MDN1: variants seen among roughly 807,000 people sequenced by gnomAD.
MDN1 encodes midasin.
MDN1 carries 266 observed loss-of-function variants against 669.2 expected under a neutral mutation model. The ratio of observed to expected loss-of-function variants is 0.40; its 90% confidence interval spans 0.36 to 0.44. The LOEUF is 0.44. MDN1 is among the 20% of genes least tolerant of loss of function. The pLI, the probability that MDN1 is intolerant of heterozygous loss-of-function variation, is 1.00. For synonymous variants in MDN1, 2,385 were observed against 2,457.1 expected (o/e 0.97, Z 0.87); for missense variants, 5,940 against 6,754.0 (o/e 0.88, Z 4.22).
At chr6:89,776,427 CTCGCGCCATTT>C (rs1818357662) in intron 12 of MDN1, among the ~76,000 whole-genome samples, 162 bp downstream of exon 12, 1 of 152,182 alleles carries the variant, frequency 6.6e-6, no homozygotes, top group Admixed American at 6.5e-5. Context: ...CGCCATTGCA[CTCGCGCCATTT>C]GGGAGTTGTA....
intron 34 of MDN1, 39 bp from the exon 35 acceptor site, chr6:89,730,962 A>C (rs2128315029): frequency 2.6e-6 from 4 of 1,559,308 alleles, no homozygotes; most frequent in Non-Finnish European, 2.6e-6. Flanking sequence ...CAACAGTACA[A>C]CACCAAGCTT....
intron 35 of MDN1, 38 bp downstream of exon 35, chr6:89,730,688 T>C (rs559686287): frequency 5.1e-5 from 80 of 1,557,950 alleles, no homozygotes; most frequent in Middle Eastern, 2.2e-4. Flanking sequence ...CTATGATCTA[T>C]AGAAAAGGAA....
Position 89,664,514 on chromosome 6 carries a change from T to C in MDN1, c.14209A>G (p.Met4737Val). The change falls in exon 85 of 102, where the codon ATG becomes GTG. Residue 4737 changes from methionine (M) to valine (V), a missense_variant. Met to Val is a conservative substitution (Grantham distance 21). Coordinates refer to ENST00000369393, the MANE Select transcript of MDN1 (RefSeq NM_014611.3). ...IEMSEDFDGK[M>V]HDGELEEQEE... is the part of the protein sequence containing the mutation. ...TGTTCTTCAAGCTCCCCATCATGCA[T>C]TTTCCCATCAAAATCTTCCGACATC... 1 of 1,614,034 alleles carries C rather than the reference T, an allele frequency of 6.2e-7. No homozygotes were observed. The highest frequency in any genetic ancestry group is 1.1e-5 in the South Asian group (1 of 91,028).
chr6:89,801,558 G>A (rs992416662), intron 2 of MDN1, among the ~76,000 whole-genome samples: 2 of 152,056 alleles, frequency 1.3e-5, no homozygotes, highest in African/African-American at 4.8e-5. Flanking sequence ...GGCTGAGGTG[G>A]GAGAATCGCT....
chr6:89,760,272 G>C (rs1014387639), intron 17 of MDN1, among the ~76,000 whole-genome samples: 5 of 152,066 alleles, frequency 3.3e-5, no homozygotes, highest in South Asian at 2.1e-4. Flanking sequence ...CCTTCCTACA[G>C]GGTCACAGGA....
Position 89,662,796 on chromosome 6 carries a change from T to C in MDN1, c.14408A>G (p.Asp4803Gly). 1 of 1,614,112 alleles carries C rather than the reference T, an allele frequency of 6.2e-7. No homozygotes were observed. The highest frequency in any genetic ancestry group is 8.5e-7 in the Non-Finnish European group (1 of 1,179,996). ...GGGGAGAAATCTTTGAATTACCTCA[T>C]CCATTCCTGGTCCTGTTTCTTCAGT... ...NKTEETGPGM[D>G]EEDSELVAKD... Residue 4803 changes from aspartate to glycine, a missense_variant, in exon 86 of 102, where the codon GAT (aspartate) becomes GGT (glycine). Around this residue, in one of 5 missense-constraint regions of MDN1, gnomAD observed 2,280 missense variants for 2,576.3 expected, o/e 0.88. Transcript: ENST00000369393.
chr6:89,678,831 C>G, intron 74 of MDN1, 86 bp from the exon 75 acceptor site: 1 of 1,408,124 alleles, frequency 7.1e-7, no homozygotes, highest in Non-Finnish European at 9.6e-7. Flanking sequence ...CACCAGGGAC[C>G]TTCTGGAGAA....
chr6:89,815,280 G>C, intron 1 of MDN1: 1 of 465,514 alleles, frequency 2.1e-6, no homozygotes, highest in South Asian at 1.7e-5. Flanking sequence ...TAGTGACCTA[G>C]CACCTATGGG....
At chr6:89,737,532 AC>A (rs1816053405) in intron 33 of MDN1, among the ~76,000 whole-genome samples, 1 of 152,170 alleles carries the variant, frequency 6.6e-6, no homozygotes, top group Non-Finnish European at 1.5e-5. Context: ...GGCTTCAAAA[AC>A]AAAAAGAACC....
intron 77 of MDN1, chr6:89,675,834 AG>A (rs1335666473): frequency 2.1e-5 from 12 of 562,004 alleles, no homozygotes; most frequent in Non-Finnish European, 3.7e-5. Flanking sequence ...AAAGATCTAA[AG>A]ATGGCATTCT....
intron 2 of MDN1, among the ~76,000 whole-genome samples, chr6:89,797,419 A>G (rs1819666241): frequency 6.6e-6 from 1 of 152,018 alleles, no homozygotes; most frequent in African/African-American, 2.4e-5. Flanking sequence ...TTGTGTACAA[A>G]TGCTCAAAAA....
intron 9 of MDN1, among the ~76,000 whole-genome samples, chr6:89,784,273 G>C (rs1051394615): frequency 6.6e-6 from 1 of 151,930 alleles, no homozygotes; most frequent in African/African-American, 2.4e-5. Context: ...CCAAGATCAC[G>C]CCATTGCACT....
At chr6:89,814,662 T>G (rs970699306) in intron 1 of MDN1, 1 of 256,698 alleles carries the variant, frequency 3.9e-6, no homozygotes, top group Admixed American at 4.6e-5. Flanking sequence ...CAGAGTAGAC[T>G]CTTGGCCAGA....
intron 19 of MDN1, among the ~76,000 whole-genome samples, chr6:89,756,661 G>A (rs1298994704): frequency 2.0e-5 from 3 of 152,272 alleles, no homozygotes; most frequent in Middle Eastern, 3.4e-3. Context: ...GGTGGCTCAC[G>A]CCTGTAATCC....
chr6:89,700,080 T>C lies in MDN1; in HGVS notation c.8853A>G (p.Ala2951=), dbSNP rs1439413609. 1 of 1,613,918 alleles carries C rather than the reference T, an allele frequency of 6.2e-7. No homozygotes were observed. Among genetic ancestry groups the C allele is most frequent in the Non-Finnish European group, 8.5e-7 (1 of 1,179,946 alleles). Residue 2951 remains alanine (A), a synonymous_variant, in exon 57 of 102, where the codon GCA becomes GCG. Transcript: ENST00000369393. Reference sequence around the variant, plus strand: ...TGGTTTACCTTCTGAGACAAGCTTGTGCCATAAAATCAGCTGTCACTTTGT... The same window carrying C: ...TGGTTTACCTTCTGAGACAAGCTTGCGCCATAAAATCAGCTGTCACTTTGT... The part of the protein sequence containing the change: ...WRYKVTADFM[A]QACLRRCSKN...
chr6:89,685,098 G>T, intron 70 of MDN1, 113 bp from the exon 71 acceptor site: 1 of 629,318 alleles, frequency 1.6e-6, no homozygotes, highest in Non-Finnish European at 2.7e-6. Context: ...TCTATGCCAT[G>T]AGATTACAGT....
chr6:89,658,430 G>A, intron 89 of MDN1, 60 bp from the exon 90 acceptor site: 1 of 1,600,978 alleles, frequency 6.2e-7, no homozygotes, highest in Non-Finnish European at 8.5e-7. Context: ...TAAGGTGGGA[G>A]ACCTTGCAAC....
intron 1 of MDN1, among the ~76,000 whole-genome samples, chr6:89,807,499 C>T (rs1171095644): frequency 1.3e-5 from 2 of 152,064 alleles, no homozygotes; most frequent in East Asian, 1.9e-4. Flanking sequence ...TTTTTTCTGG[C>T]AATTTTTAAG....
At chr6:89,762,579 G>T (rs752884331) in intron 15 of MDN1, 49 bp from the exon 16 acceptor site, 53 of 1,415,886 alleles carry the variant, frequency 3.7e-5, no homozygotes, top group South Asian at 3.5e-4. Flanking sequence ...GAAGTTAACA[G>T]AAGTTAGAAA....
Sources: gnomAD v4.1 joint callset for allele counts (sites outside exome capture counted in the v4.1 genomes callset) on GRCh38, gnomAD v4.1.1 for gene constraint, gnomAD v4.1.1 regional missense constraint, MANE v1.5 for transcripts, NCBI Gene and HGNC (gene_info 2026-07-23, HGNC 2026-07-21) for gene names.